TFCP2L1: variants seen among roughly 807,000 people sequenced by gnomAD.
TFCP2L1 encodes the protein transcription factor CP2 like 1, also known as transcription factor CP2-like protein 1.
A neutral mutation model predicts 72.2 loss-of-function variants in TFCP2L1; 12 were observed. The observed-to-expected ratio is 0.17, with a 90% CI of 0.11 to 0.27. The LOEUF is 0.27. TFCP2L1 is among the 10% of genes least tolerant of loss of function. TFCP2L1 has a pLI of 1.00. For synonymous variants in TFCP2L1, 260 were observed against 251.0 expected, an observed-to-expected ratio of 1.04 and a Z score of -0.34; for missense variants, 488 against 624.6, an observed-to-expected ratio of 0.78 and a Z score of 2.33.
At position 121,232,107 on chromosome 2, in the gene TFCP2L1, T is replaced by TTTTGTTTTGTTTTG. The variant is rs1573359582; in HGVS notation, c.1199-140_1199-139insCAAAACAAAACAAA. 21 of 533,536 alleles carry TTTTGTTTTGTTTTG rather than the reference T, an allele frequency of 3.9e-5. 1 individual carries two copies. The Middle Eastern group carries it at 1.2e-3, about 30-fold the overall frequency. The allele number at this position is 533,536 out of a possible 1,614,324, so 33.1% of individuals were successfully genotyped here. A position where few individuals can be genotyped will look rare whatever the true frequency, so the allele number is the denominator to read the frequency against. ...GCGGGGCAGGACCACACTGCCACTC[T>TTTTGTTTTGTTTTG]TTTTGTTTTGTTTTGTTTTGTTTTG... On this transcript the variant is annotated intron_variant, in intron 12 of 14. Transcript: ENST00000263707.
intron 2 of TFCP2L1, among the ~76,000 whole-genome samples, chr2:121,260,392 C>G (rs551758357): frequency 6.6e-6 from 1 of 152,278 alleles, no homozygotes; most frequent in African/African-American, 2.4e-5. Context: ...TTGCAGAAGT[C>G]TTGTGAGGAT....
intron 2 of TFCP2L1, among the ~76,000 whole-genome samples, chr2:121,255,883 C>G (rs532878811): frequency 2.0e-5 from 3 of 152,192 alleles, no homozygotes; most frequent in Non-Finnish European, 4.4e-5. Flanking sequence ...GCTGGGACTG[C>G]AGGCGCCCGC....
rs1166537457 is a variant in TFCP2L1, at chr2:121,223,010, C to CT, written c.*1330dup. The CT allele has an allele frequency of 6.6e-6, 1 of 152,208 alleles. No individual in the cohort carries two copies. The highest frequency in any genetic ancestry group is 1.5e-5 in the Non-Finnish European group (1 of 68,032). The allele number at this position is 152,208 out of a possible 1,614,324, so 9.4% of individuals were successfully genotyped here. On this transcript the variant is annotated 3_prime_UTR_variant, in exon 15 of 15. Coordinates refer to ENST00000263707, the MANE Select transcript of TFCP2L1 (RefSeq NM_014553.3). ...CTACCATGCAGGTGACTTTGCCCCT[C>CT]TGAGCCTTGGTTTCCTCATCTATAA...
chr2:121,240,798 T>C (rs1686351934), intron 7 of TFCP2L1: 1 of 934,338 alleles, frequency 1.1e-6, no homozygotes, highest in East Asian at 1.2e-4. Flanking sequence ...AATCCATAAA[T>C]GCAGTGCTTG....
intron 2 of TFCP2L1, among the ~76,000 whole-genome samples, chr2:121,264,993 G>A (rs926085373): frequency 3.3e-5 from 5 of 152,080 alleles, no homozygotes; most frequent in Non-Finnish European, 4.4e-5. Flanking sequence ...CAAGAGAAAT[G>A]CAAACATAGG....
At chr2:121,248,109 C>T in intron 5 of TFCP2L1, 55 bp downstream of exon 5, 2 of 1,522,318 alleles carry the variant, frequency 1.3e-6, no homozygotes, top group Non-Finnish European at 1.8e-6. Flanking sequence ...AAACTGCACG[C>T]AGGCCACCCC....
intron 10 of TFCP2L1, 40 bp from the exon 11 acceptor site, chr2:121,235,351 C>A: frequency 6.2e-7 from 1 of 1,608,746 alleles, no homozygotes; most frequent in Non-Finnish European, 8.5e-7. Context: ...TACATGGAAC[C>A]CAGAGAAAGG....
intron 14 of TFCP2L1, among the ~76,000 whole-genome samples, chr2:121,224,878 G>A (rs1395874666): frequency 3.3e-5 from 5 of 152,226 alleles, no homozygotes; most frequent in Admixed American, 6.5e-5. Flanking sequence ...CCAGCTACTC[G>A]GGAGGCTGAG....
intron 2 of TFCP2L1, among the ~76,000 whole-genome samples, chr2:121,276,229 C>G (rs945788935): frequency 1.3e-5 from 2 of 151,960 alleles, no homozygotes; most frequent in Non-Finnish European, 2.9e-5. Context: ...CCCCCACCCC[C>G]CGACAGGCCC....
intron 2 of TFCP2L1, among the ~76,000 whole-genome samples, chr2:121,250,082 C>G (rs376398741): frequency 2.6e-5 from 4 of 152,116 alleles, no homozygotes; most frequent in African/African-American, 7.2e-5. Flanking sequence ...AACGAAGAAG[C>G]CTGTTAAACA....
At chr2:121,275,553 A>G (rs1349404626) in intron 2 of TFCP2L1, among the ~76,000 whole-genome samples, 2 of 151,416 alleles carry the variant, frequency 1.3e-5, no homozygotes, top group African/African-American at 4.8e-5. Flanking sequence ...TTTAAGAAAA[A>G]GTATAGAAGT....
At chr2:121,254,384 G>A (rs578190041) in intron 2 of TFCP2L1, among the ~76,000 whole-genome samples, 15 of 152,336 alleles carry the variant, frequency 9.8e-5, no homozygotes, top group Admixed American at 6.5e-4. Flanking sequence ...TATCCAGGAC[G>A]AGGCGGGGAG....
At chr2:121,264,169 G>A (rs147249537) in intron 2 of TFCP2L1, among the ~76,000 whole-genome samples, 3 of 152,280 alleles carry the variant, frequency 2.0e-5, no homozygotes, top group East Asian at 1.9e-4. Flanking sequence ...CCCAGGTCTC[G>A]AAGGCAGGGC....
chr2:121,219,559 G>A lies in TFCP2L1; in HGVS notation c.*4782C>T, dbSNP rs1396148731. The A allele has an allele frequency of 1.3e-5, 2 of 152,248 alleles. No homozygotes were observed. Among genetic ancestry groups the A allele is most frequent in the Non-Finnish European group, 2.9e-5 (2 of 68,058 alleles). The allele number at this position is 152,248 out of a possible 1,614,324, so 9.4% of individuals were successfully genotyped here. ...AGAAGCATGCCGCCTTGCACTGCAGGAGCACTGGTGGCACTGTGTACAACC... is the reference window on the plus strand; with the variant it reads ...AGAAGCATGCCGCCTTGCACTGCAGAAGCACTGGTGGCACTGTGTACAACC... On this transcript the variant is annotated 3_prime_UTR_variant, in exon 15 of 15. Transcript: ENST00000263707.
At chr2:121,225,346 A>G in intron 14 of TFCP2L1, among the ~76,000 whole-genome samples, 1 of 152,214 alleles carries the variant, frequency 6.6e-6, no homozygotes, top group Non-Finnish European at 1.5e-5. Flanking sequence ...ATAGAAAACA[A>G]GTTGCCTGGC....
In TFCP2L1 at chr2:121,246,941, G is replaced by A. The variant is rs774774402; in HGVS notation, c.534C>T (p.Pro178=). The change falls in exon 6 of 15, where the codon CCC becomes CCT. Residue 178 remains proline, a synonymous_variant. Transcript: ENST00000263707. ...CTCCCTTCTCGCCCCCGTGCTTCCT[G>A]GGGGTGAATTCTGTGCTGATGCAGT... ...QVHCISTEFT[P]RKHGGEKGVP... The A allele has an allele frequency of 1.1e-5, 17 of 1,614,128 alleles. No individual in the cohort carries two copies. The highest frequency in any genetic ancestry group is 1.4e-5 in the Non-Finnish European group (16 of 1,180,008).
At chr2:121,233,927 C>T (rs1686193568) in intron 12 of TFCP2L1, among the ~76,000 whole-genome samples, 164 bp downstream of exon 12, 1 of 152,232 alleles carries the variant, frequency 6.6e-6, no homozygotes, top group Non-Finnish European at 1.5e-5. Context: ...GACCATGCAC[C>T]ATGCAAGGAG....
intron 13 of TFCP2L1, 32 bp downstream of exon 13, chr2:121,231,794 G>A (rs531231947): frequency 2.5e-5 from 41 of 1,608,500 alleles, no homozygotes; most frequent in Admixed American, 1.3e-4. Context: ...CCCAGAGCCC[G>A]TTGTCGGGGC....
intron 1 of TFCP2L1, 44 bp downstream of exon 1, chr2:121,285,004 G>A: frequency 1.4e-6 from 2 of 1,436,086 alleles, no homozygotes; most frequent in South Asian, 2.8e-5. Context: ...CGCCCGGCCC[G>A]CCGGCCCGGC....
Sources: gnomAD v4.1 joint callset for allele counts (sites outside exome capture counted in the v4.1 genomes callset) on GRCh38, gnomAD v4.1.1 for gene constraint, MANE v1.5 for transcripts, NCBI Gene and HGNC (gene_info 2026-07-23, HGNC 2026-07-21) for gene names.